Variants in WNK4 observed in about 807,000 individuals in gnomAD.
The protein encoded by WNK4 is serine/threonine-protein kinase WNK4.
Under a neutral mutation model 116.2 loss-of-function variants are expected in WNK4, and 94 were observed. The ratio of observed to expected loss-of-function variants is 0.81; its 90% CI spans 0.68 to 0.96. WNK4 has a LOEUF of 0.96. Ranked by LOEUF, WNK4 falls within the 40% of genes least tolerant of loss-of-function variation. The probability of loss-of-function intolerance (pLI) is 0.00; values close to 1 mark genes in which losing one functional copy is unlikely to be tolerated. For synonymous variants in WNK4, 655 were observed against 672.7 expected, an observed-to-expected ratio of 0.97 and a Z score of 0.41; for missense variants, 1,542 against 1,650.6, an observed-to-expected ratio of 0.93 and a Z score of 1.14.
chr17:42,787,526 C>T lies in WNK4; in HGVS notation c.1725C>T (p.Ser575=). Residue 575 remains serine (S), a synonymous_variant, in exon 7 of 19, where the codon AGC becomes AGT. Transcript: ENST00000246914. ...QHQPFLFRHA[S]YSSTTSDCET... ...AGCCCTTCCTTTTCCGCCACGCCAG[C>T]TACTCATCTACCACTTGTAAGTCAC... 1 of 1,613,054 alleles carries T rather than the reference C, an allele frequency of 6.2e-7. No individual in the cohort carries two copies. The highest frequency in any genetic ancestry group is 8.5e-7 in the Non-Finnish European group (1 of 1,179,750).
intron 1 of WNK4, among the ~76,000 whole-genome samples, chr17:42,781,576 G>A (rs1410007039): frequency 6.6e-6 from 1 of 152,202 alleles, no homozygotes. Flanking sequence ...TCAACCCTGA[G>A]AGGTGGAAAA....
At position 42,788,201 on chromosome 17, in the gene WNK4, A is replaced by G. The variant is rs2054572364; in HGVS notation, c.1922+13A>G. On this transcript the variant is annotated intron_variant, in intron 9 of 18. Transcript: ENST00000246914. ...CCCCCGGGGACAGGTATGTTCTGGT[A>G]CAAGTTGGGGTGCCAGGGTGAGACA... is the stretch of plus-strand genomic sequence containing the variant. 6.2e-7 allele frequency: 1 copy of G among 1,614,084 alleles called. No individual in the cohort carries two copies. The highest frequency in any genetic ancestry group is 8.5e-7 in the Non-Finnish European group (1 of 1,180,004).
In WNK4 at chr17:42,780,712, C is replaced by G; in HGVS notation, c.14C>G (p.Pro5Arg). 6.2e-7 allele frequency: 1 copy of G among 1,608,648 alleles called. No homozygotes were observed. The highest frequency in any genetic ancestry group is 8.5e-7 in the Non-Finnish European group (1 of 1,179,528). ...CTGCTCTTCCTCATGTTGGCATCCC[C>G]GGCCACGGAGACCACCGTCCTCATG... is the stretch of plus-strand genomic sequence containing the variant. MLAS[P>R]ATETTVLMSQ... Residue 5 changes from proline to arginine, a missense_variant, in exon 1 of 19, where the codon CCG (proline) becomes CGG (arginine). Physicochemically the swap from Pro to Arg is moderately radical, Grantham distance 103. This residue lies in a region of WNK4 where 243 missense variants were observed against 217.8 expected (regional missense o/e 1.12). Transcript: ENST00000246914.
chr17:42,794,768 C>T lies in WNK4; in HGVS notation c.2351-4C>T. On this transcript the variant is annotated splice_region_variant and splice_polypyrimidine_tract_variant and intron_variant, in intron 13 of 18. Transcript: ENST00000246914. ...CTGTGGTCTCAACATACCCTCCTTC[C>T]CAGAAGAGCTCCAGAGCAGCACCTC... is the stretch of plus-strand genomic sequence containing the variant. 3.1e-6 allele frequency: 5 copies of T among 1,613,980 alleles called. No homozygotes were observed. The highest frequency in any genetic ancestry group is 4.2e-6 in the Non-Finnish European group (5 of 1,179,978).
chr17:42,795,048 T>C lies in WNK4; in HGVS notation c.2627T>C (p.Leu876Pro). 6.2e-7 allele frequency: 1 copy of C among 1,612,326 alleles called. No individual in the cohort carries two copies. The highest frequency in any genetic ancestry group is 8.5e-7 in the Non-Finnish European group (1 of 1,179,684). Residue 876 changes from leucine to proline, a missense_variant, in exon 14 of 19, where the codon CTC becomes CCC. This residue lies in a region of WNK4 where 292 missense variants were observed against 290.1 expected (regional missense o/e 1.01). Transcript: ENST00000246914. The stretch of plus-strand genomic sequence containing the variant: ...AGCACACCCGAGTTTCCGGTCCCAC[T>C]CTCTCAGTGTCCCTGGAGTTCTCTC... ...SSSTPEFPVP[L>P]SQCPWSSLPT...
At position 42,780,745 on chromosome 17, in the gene WNK4, C is replaced by T. The variant is rs61754325; in HGVS notation, c.47C>T (p.Thr16Ile). 558 of 1,608,898 alleles carry T rather than the reference C, an allele frequency of 3.5e-4. No individual in the cohort carries two copies. The highest frequency in any genetic ancestry group is 4.5e-4 in the Non-Finnish European group (525 of 1,179,550). ...GAGACCACCGTCCTCATGTCCCAGA[C>T]TGAGGCCGACCTGGCCCTGCGGCCC... ...ATETTVLMSQ[T>I]EADLALRPPP... The change falls in exon 1 of 19, where the codon ACT (threonine) becomes ATT (isoleucine). Residue 16 changes from threonine (T) to isoleucine (I), a missense_variant. Physicochemically the swap from Thr to Ile is moderately conservative, Grantham distance 89. Coordinates refer to ENST00000246914, the MANE Select transcript of WNK4 (RefSeq NM_032387.5).
intron 12 of WNK4, 174 bp downstream of exon 12, chr17:42,793,903 A>G: frequency 1.3e-6 from 1 of 758,324 alleles, no homozygotes; most frequent in Non-Finnish European, 2.1e-6. Context: ...CCCAGGCTGG[A>G]GTGCAGTGGC....
chr17:42,789,429 G>A (rs542393254), intron 11 of WNK4, among the ~76,000 whole-genome samples: 6 of 152,106 alleles, frequency 3.9e-5, no homozygotes, highest in South Asian at 2.1e-4. Context: ...GGCCGAGGCC[G>A]AGGCAGGCAG....
intron 11 of WNK4, among the ~76,000 whole-genome samples, chr17:42,789,178 G>C (rs930655272): frequency 6.6e-6 from 1 of 152,156 alleles, no homozygotes; most frequent in African/African-American, 2.4e-5. Flanking sequence ...AGGCCATGAA[G>C]GGTGTCCCTG....
Position 42,796,823 on chromosome 17 carries a change from G to C in WNK4, c.*135G>C, listed in dbSNP as rs556343431. The C allele has an allele frequency of 2.5e-6, 4 of 1,576,152 alleles. No individual in the cohort carries two copies. The African/African-American group carries it at 5.4e-5, about 21-fold the overall frequency. ...CACTGAAGGGGTAGAAGGCCAGGGGGGCATGGAGAGTGCAGCTCCATTATA... is the reference window on the plus strand; with the variant it reads ...CACTGAAGGGGTAGAAGGCCAGGGGCGCATGGAGAGTGCAGCTCCATTATA... On this transcript the variant is annotated 3_prime_UTR_variant, in exon 19 of 19. Transcript: ENST00000246914.
In WNK4 at chr17:42,795,729, A is replaced by C; in HGVS notation, c.3127A>C (p.Lys1043Gln). 1 of 1,613,616 alleles carries C rather than the reference A, an allele frequency of 6.2e-7. No homozygotes were observed. Among genetic ancestry groups the C allele is most frequent in the Non-Finnish European group, 8.5e-7 (1 of 1,180,020 alleles). ...PTSPTLSGSP[K>Q]PSTPQLTSES... ...ATCCCCCACTCTCTCTGGTTCTCCA[A>C]AACCTTCAACCCCTCAGCTCACTTC... Residue 1043 changes from lysine (K) to glutamine (Q), a missense_variant, in exon 16 of 19, where the codon AAA becomes CAA. Transcript: ENST00000246914.
intron 11 of WNK4, among the ~76,000 whole-genome samples, chr17:42,790,564 C>T (rs1211186574): frequency 1.3e-5 from 2 of 152,074 alleles, no homozygotes; most frequent in Non-Finnish European, 2.9e-5. Context: ...AAGCCAGAGA[C>T]ACAGAGGGTT....
In WNK4 at chr17:42,780,768, C is replaced by T. The variant is rs371972656; in HGVS notation, c.70C>T (p.Pro24Ser). Residue 24 changes from proline to serine, a missense_variant, in exon 1 of 19, where the codon CCC (proline) becomes TCC (serine). Pro to Ser is a moderately conservative substitution (Grantham distance 74, BLOSUM62 -1). This residue lies in a region of WNK4 where 243 missense variants were observed against 217.8 expected (regional missense o/e 1.12). Transcript: ENST00000246914. ...SQTEADLALR[P>S]PPPLGTAGQP... ...GACTGAGGCCGACCTGGCCCTGCGG[C>T]CCCCGCCTCCTCTTGGCACCGCGGG... 3.1e-6 allele frequency: 5 copies of T among 1,607,148 alleles called. No individual in the cohort carries two copies. The highest frequency in any genetic ancestry group is 3.4e-6 in the Non-Finnish European group (4 of 1,179,316).
At position 42,780,791 on chromosome 17, in the gene WNK4, G is replaced by T; in HGVS notation, c.93G>T (p.Ala31=). ...ALRPPPPLGT[A]GQPRLGPPPR... is the part of the protein sequence containing the mutation. ...GGCCCCCGCCTCCTCTTGGCACCGC[G>T]GGGCAGCCCCGCCTCGGGCCCCCTC... is the stretch of plus-strand genomic sequence containing the variant. Residue 31 remains alanine (A), a synonymous_variant, in exon 1 of 19, where the codon GCG becomes GCT. Coordinates refer to ENST00000246914, the MANE Select transcript of WNK4 (RefSeq NM_032387.5). 1 of 1,604,042 alleles carries T rather than the reference G, an allele frequency of 6.2e-7. No homozygotes were observed.
chr17:42,783,791 G>C, intron 2 of WNK4, 146 bp from the exon 3 acceptor site: 2 of 774,846 alleles, frequency 2.6e-6, no homozygotes, highest in Non-Finnish European at 4.3e-6. Flanking sequence ...TTTCTCCCTG[G>C]GGCCGGGCAG....
chr17:42,791,981 C>T (rs2054612084), intron 11 of WNK4, among the ~76,000 whole-genome samples: 1 of 152,022 alleles, frequency 6.6e-6, no homozygotes, highest in African/African-American at 2.4e-5. Flanking sequence ...TGTACCATGC[C>T]TTTCATGCTT....
chr17:42,780,819 C>T lies in WNK4; in HGVS notation c.121C>T (p.Arg41Cys). 3 of 1,601,094 alleles carry T rather than the reference C, an allele frequency of 1.9e-6. No homozygotes were observed. The highest frequency in any genetic ancestry group is 2.5e-6 in the Non-Finnish European group (3 of 1,177,958). Residue 41 changes from arginine (R) to cysteine (C), a missense_variant, in exon 1 of 19, where the codon CGC (arginine) becomes TGC (cysteine). Coordinates refer to ENST00000246914, the MANE Select transcript of WNK4 (RefSeq NM_032387.5). ...AGQPRLGPPP[R>C]RARRFSGKAE... ...GCAGCCCCGCCTCGGGCCCCCTCCT[C>T]GCCGAGCGCGCCGCTTCTCCGGGAA... is the stretch of plus-strand genomic sequence containing the variant.
At chr17:42,788,233 G>A in intron 9 of WNK4, 45 bp downstream of exon 9, 6 of 1,609,868 alleles carry the variant, frequency 3.7e-6, no homozygotes, top group Non-Finnish European at 5.1e-6. Context: ...GACACCTGGG[G>A]CACTGGGGTC....
intron 7 of WNK4, 43 bp downstream of exon 7, chr17:42,787,585 T>C (rs769919711): frequency 1.2e-6 from 2 of 1,610,842 alleles, no homozygotes; most frequent in African/African-American, 1.3e-5. Flanking sequence ...CAGAACACCT[T>C]GGCCTCTGCC....
Sources: gnomAD v4.1 joint callset for allele counts (sites outside exome capture counted in the v4.1 genomes callset) on GRCh38, gnomAD v4.1.1 for gene constraint, gnomAD v4.1.1 regional missense constraint, MANE v1.5 for transcripts, NCBI Gene and HGNC (gene_info 2026-07-23, HGNC 2026-07-21) for gene names.